Variants in PPP1R1C observed in about 807,000 individuals in gnomAD.
The protein encoded by PPP1R1C is protein phosphatase 1 regulatory subunit 1C.
PPP1R1C carries 15 observed loss-of-function variants against 17.4 expected under a neutral mutation model. That is an observed-to-expected ratio of 0.86 (90% CI 0.58 to 1.33). The LOEUF (loss-of-function observed/expected upper bound fraction) is 1.33. Ranked by LOEUF, PPP1R1C falls within the 40% of genes most tolerant of loss-of-function variation. PPP1R1C has a pLI of 0.00. For missense variants in PPP1R1C, 143 were observed against 130.0 expected (o/e 1.10, Z -0.48); for synonymous variants, 35 against 43.1 (o/e 0.81, Z 0.73).
chr2:182,005,787 G>A (rs750630835), intron 2 of PPP1R1C, among the ~76,000 whole-genome samples: 1 of 152,116 alleles, frequency 6.6e-6, no homozygotes, highest in South Asian at 2.1e-4. Flanking sequence ...AGAGGTTAAC[G>A]TTGGAACCAA....
At chr2:182,046,229 A>T (rs1337677679) in intron 2 of PPP1R1C, among the ~76,000 whole-genome samples, 2 of 152,008 alleles carry the variant, frequency 1.3e-5, no homozygotes, top group African/African-American at 4.8e-5. Flanking sequence ...TATTAACTAT[A>T]GACCTCCTGT....
chr2:182,117,174 C>T (rs1689608914), intron 4 of PPP1R1C, 33 bp from the exon 5 acceptor site: 1 of 1,390,466 alleles, frequency 7.2e-7, no homozygotes, highest in African/African-American at 1.5e-5. Context: ...AAATGAAAAT[C>T]ATTTAAATTT....
chr2:182,024,143 T>C (rs1468217773), intron 2 of PPP1R1C, among the ~76,000 whole-genome samples: 3 of 152,196 alleles, frequency 2.0e-5, no homozygotes, highest in Non-Finnish European at 4.4e-5. Context: ...AAAACAGTTT[T>C]CTATGAGGCT....
chr2:181,994,182 T>C (rs185669402), intron 2 of PPP1R1C, among the ~76,000 whole-genome samples: 1 of 152,242 alleles, frequency 6.6e-6, no homozygotes, highest in Admixed American at 6.5e-5. Flanking sequence ...AAAATAAGCA[T>C]GCTACTGATG....
chr2:181,978,381 G>A (rs577182251), intron 2 of PPP1R1C, among the ~76,000 whole-genome samples: 1 of 152,332 alleles, frequency 6.6e-6, no homozygotes, highest in South Asian at 2.1e-4. Context: ...CAATGCCAGA[G>A]TGTTTTTCTT....
At chr2:182,025,059 T>A (rs1686556331) in intron 2 of PPP1R1C, among the ~76,000 whole-genome samples, 1 of 150,476 alleles carries the variant, frequency 6.6e-6, no homozygotes, top group Non-Finnish European at 1.5e-5. Flanking sequence ...AAGTTGCACA[T>A]GTACTGCATA....
rs1476458906 is a variant in PPP1R1C at position 182,116,204 on chromosome 2, G to C, written c.242-1003G>C. Reference sequence around the variant, plus strand: ...CTTCATTAATTCAATCAATGATTTAGACAATAAATATTAATGAGTACCTAC... The same window carrying C: ...CTTCATTAATTCAATCAATGATTTACACAATAAATATTAATGAGTACCTAC... On this transcript the variant is annotated intron_variant, in intron 4 of 4. Transcript: ENST00000682840. 2.6e-5 allele frequency among the ~76,000 whole-genome samples: 4 copies of C among 152,284 alleles called. No individual in the cohort carries two copies. The East Asian group carries it at 7.7e-4, about 29-fold the overall frequency.
chr2:182,115,127 C>G (rs1010544988), intron 4 of PPP1R1C, among the ~76,000 whole-genome samples: 1 of 152,076 alleles, frequency 6.6e-6, no homozygotes, highest in Non-Finnish European at 1.5e-5. Context: ...GCAAACCTGG[C>G]AAGATATAGT....
intron 4 of PPP1R1C, among the ~76,000 whole-genome samples, chr2:182,069,713 T>C (rs905440825): frequency 2.0e-5 from 3 of 152,202 alleles, no homozygotes; most frequent in Non-Finnish European, 1.5e-5. Flanking sequence ...TATATATATG[T>C]TAACCTATTT....
intron 4 of PPP1R1C, among the ~76,000 whole-genome samples, chr2:182,096,746 C>T (rs578016406): frequency 3.9e-5 from 6 of 152,236 alleles, no homozygotes; most frequent in African/African-American, 4.8e-5. Flanking sequence ...GTTCTCTTTC[C>T]GCAAAACCCT....
At chr2:182,072,384 G>T (rs1004040470) in intron 4 of PPP1R1C, among the ~76,000 whole-genome samples, 1 of 152,174 alleles carries the variant, frequency 6.6e-6, no homozygotes, top group African/African-American at 2.4e-5. Context: ...TTTTAAAAAA[G>T]ATGTTTATAA....
intron 2 of PPP1R1C, among the ~76,000 whole-genome samples, chr2:182,014,489 A>T (rs1213704771): frequency 6.6e-6 from 1 of 151,572 alleles, no homozygotes; most frequent in Non-Finnish European, 1.5e-5. Flanking sequence ...ACTGGTTCAG[A>T]CCCAAGCCAG....
In PPP1R1C at chr2:181,967,710, C is replaced by A. The variant is rs1284984311; in HGVS notation, n.112-7509C>A. 5.3e-5 allele frequency among the ~76,000 whole-genome samples: 8 copies of A among 150,490 alleles called. No homozygotes were observed. The East Asian group carries it at 1.4e-3, about 26-fold the overall frequency. Reference sequence around the variant, plus strand: ...TTCCTTCCTTTCTTTCTCTTTCTTTCTTTCATTCTTTCTTTCTTTTCTGAG... The same window carrying A: ...TTCCTTCCTTTCTTTCTCTTTCTTTATTTCATTCTTTCTTTCTTTTCTGAG... On this transcript the variant is annotated intron_variant and non_coding_transcript_variant, in intron 1 of 5. Coordinates refer to the PPP1R1C transcript ENST00000464264. This position sits in a 1 kb window ranked among gnomAD's most constrained non-coding sequence, Gnocchi z 5.5.
At chr2:182,071,616 T>G (rs1688142787) in intron 4 of PPP1R1C, among the ~76,000 whole-genome samples, 1 of 152,204 alleles carries the variant, frequency 6.6e-6, no homozygotes, top group South Asian at 2.1e-4. Context: ...GAAGCTGCAC[T>G]CTACTTCCTT....
At chr2:181,972,327 T>C (rs1165548888) in intron 1 of PPP1R1C, among the ~76,000 whole-genome samples, 1 of 152,214 alleles carries the variant, frequency 6.6e-6, no homozygotes, top group Non-Finnish European at 1.5e-5. Context: ...AGACAAAATG[T>C]GTGATGTACG....
At chr2:181,986,847 A>G (rs1199646251) in intron 1 of PPP1R1C, among the ~76,000 whole-genome samples, 2 of 152,206 alleles carry the variant, frequency 1.3e-5, no homozygotes, top group African/African-American at 2.4e-5. Flanking sequence ...TCTTGATGCA[A>G]TGGCATCTCT....
chr2:181,994,506 A>G (rs1217634671), intron 2 of PPP1R1C, among the ~76,000 whole-genome samples: 1 of 152,162 alleles, frequency 6.6e-6, no homozygotes, highest in African/African-American at 2.4e-5. Context: ...TCTCATTTGC[A>G]TAAATCAGTC....
chr2:182,063,999 G>T, intron 4 of PPP1R1C: 1 of 451,962 alleles, frequency 2.2e-6, no homozygotes, highest in Non-Finnish European at 4.0e-6. Flanking sequence ...AATAGCTAGT[G>T]ATCTCAGAAT....
rs755677734 is a variant in PPP1R1C, at chr2:182,106,898, C to A, written c.242-10309C>A. On this transcript the variant is annotated intron_variant, in intron 4 of 4. Transcript: ENST00000682840. Reference sequence around the variant, plus strand: ...CCCCATAGAGGTTTGAGCAGGGGGACACCAGAAGAAGCAAGCCACACCCCC... The same window carrying A: ...CCCCATAGAGGTTTGAGCAGGGGGAAACCAGAAGAAGCAAGCCACACCCCC... Among the ~76,000 whole-genome samples the A allele has an allele frequency of 5.2e-4, 79 of 152,250 alleles. 1 individual carries two copies. Among genetic ancestry groups the A allele is most frequent in the Admixed American group, 2.7e-3 (41 of 15,298 alleles).
Sources: allele counts gnomAD v4.1 joint callset (sites outside exome capture counted in the v4.1 genomes callset), GRCh38; gene constraint gnomAD v4.1.1; non-coding constraint Gnocchi (gnomAD v3.1); transcripts MANE v1.5; gene names NCBI Gene and HGNC (gene_info 2026-07-23, HGNC 2026-07-21).